The following PRSS55 variants were observed in gnomAD, a reference collection of about 807,000 sequenced individuals.
PRSS55 encodes serine protease 55.
A neutral mutation model predicts 23.6 loss-of-function variants in PRSS55; 41 were observed. That is an observed-to-expected ratio of 1.74 (90% CI 1.35 to 2.26). PRSS55 has a LOEUF of 2.26. Ranked by LOEUF, PRSS55 falls within the 30% of genes most tolerant of loss-of-function variation. The pLI, the probability that PRSS55 is intolerant of heterozygous loss-of-function variation, is 0.00. For synonymous variants in PRSS55, 262 were observed against 175.5 expected, an observed-to-expected ratio of 1.49 and a Z score of -3.90; for missense variants, 669 against 439.1, an observed-to-expected ratio of 1.52 and a Z score of -4.68.
chr8:10,544,214 C>T (rs1240493872), intron 4 of PRSS55, among the ~76,000 whole-genome samples: 4 of 152,100 alleles, frequency 2.6e-5, no homozygotes, highest in African/African-American at 7.2e-5. Flanking sequence ...GTTAGATGCA[C>T]GTATGTTTAC....
chr8:10,545,228 C>T (rs1379566740), intron 4 of PRSS55: 2 of 148,404 alleles, frequency 1.3e-5, no homozygotes, highest in Non-Finnish European at 1.5e-5. Flanking sequence ...GAGAGTGTCT[C>T]ACTCTATCAC....
chr8:10,528,709 T>C (rs1486929280), intron 1 of PRSS55, among the ~76,000 whole-genome samples: 1 of 152,208 alleles, frequency 6.6e-6, no homozygotes, highest in Admixed American at 6.5e-5. Context: ...ACCACACACC[T>C]GGCGGCTTAA....
At chr8:10,554,134 T>C in exon 5 of PRSS55, 1 of 674,732 alleles carries the variant, frequency 1.5e-6, no homozygotes, top group African/African-American at 1.8e-5. Flanking sequence ...TCTGTCCAAA[T>C]GACTGAAAAA....
chr8:10,535,399 C>T (rs1450567100), intron 4 of PRSS55, among the ~76,000 whole-genome samples: 1 of 152,032 alleles, frequency 6.6e-6, no homozygotes, highest in Non-Finnish European at 1.5e-5. Flanking sequence ...GTTAGAGAAC[C>T]CAGAAATAAA....
chr8:10,532,861 C>T (rs776794624), intron 3 of PRSS55, 45 bp from the exon 4 acceptor site: 3 of 1,611,712 alleles, frequency 1.9e-6, no homozygotes, highest in Admixed American at 3.3e-5. Flanking sequence ...AACGTGGGGA[C>T]ATGAGGCCCA....
chr8:10,534,017 A>C (rs1451999699), intron 4 of PRSS55, among the ~76,000 whole-genome samples: 1 of 152,214 alleles, frequency 6.6e-6, no homozygotes, highest in East Asian at 1.9e-4. Context: ...CCCTGGCAGC[A>C]TAGCACTAGG....
chr8:10,526,505 G>T (rs1048970817), intron 1 of PRSS55, among the ~76,000 whole-genome samples: 60 of 152,240 alleles, frequency 3.9e-4, no homozygotes, highest in African/African-American at 1.4e-3. Context: ...AACAAGGGGT[G>T]GGAGGCATGA....
chr8:10,552,711 C>A (rs1812978678), intron 4 of PRSS55, among the ~76,000 whole-genome samples: 2 of 152,198 alleles, frequency 1.3e-5, no homozygotes, highest in Admixed American at 6.5e-5. Flanking sequence ...ATTAATACCA[C>A]AAAGACACAT....
chr8:10,553,967 A>C, exon 5 of PRSS55: 1 of 1,526,494 alleles, frequency 6.6e-7, no homozygotes, highest in Non-Finnish European at 8.7e-7. Flanking sequence ...CACTTTACAA[A>C]GAATGAACAC....
chr8:10,546,396 C>A (rs1351938371), intron 4 of PRSS55, among the ~76,000 whole-genome samples: 1 of 152,166 alleles, frequency 6.6e-6, no homozygotes, highest in African/African-American at 2.4e-5. Flanking sequence ...TTCCCTATCT[C>A]ACCCCTAAAT....
chr8:10,530,287 CA>C (rs746379594), intron 2 of PRSS55, among the ~76,000 whole-genome samples: 17 of 152,080 alleles, frequency 1.1e-4, no homozygotes, highest in Non-Finnish European at 2.5e-4. Context: ...CTGGCCTGGC[CA>C]ATATGGTGAA....
chr8:10,532,840 G>A, intron 3 of PRSS55, 66 bp from the exon 4 acceptor site: 1 of 1,600,076 alleles, frequency 6.2e-7, no homozygotes, highest in Non-Finnish European at 8.5e-7. Context: ...GGCACAGTCA[G>A]CTGCATCACG....
Position 10,538,554 on chromosome 8 carries a change from AAG to A in PRSS55, c.823_824del (p.Ser275LeufsTer82). The A allele has an allele frequency of 6.2e-7, 1 of 1,614,124 alleles. No individual in the cohort carries two copies. The highest frequency in any genetic ancestry group is 8.5e-7 in the Non-Finnish European group (1 of 1,179,982). ...WYQVGIISWGKSCGEKNTPGI... is the reference protein window; with the variant it reads ...WYQVGIISWGXSCGEKNTPGI... Reference sequence around the variant, plus strand: ...CCAGGTGGGCATCATAAGCTGGGGAAAGAGCTGTGGAGAGAAGAACACCCCAG... The same window carrying A: ...CCAGGTGGGCATCATAAGCTGGGGAAAGCTGTGGAGAGAAGAACACCCCAG... On this transcript the variant is annotated frameshift_variant, in exon 5 of 5. Coordinates refer to ENST00000328655, the MANE Select transcript of PRSS55 (RefSeq NM_198464.4). LOFTEE classifies it low-confidence loss of function (END_TRUNC).
Position 10,538,559 on chromosome 8 carries a change from C to T in PRSS55, c.825C>T (p.Ser275=). Residue 275 remains serine, a synonymous_variant, in exon 5 of 5, where the codon AGC becomes AGT. Transcript: ENST00000328655. ...TGGGCATCATAAGCTGGGGAAAGAG[C>T]TGTGGAGAGAAGAACACCCCAGGGA... ...YQVGIISWGK[S]CGEKNTPGIY... is the part of the protein sequence containing the mutation. 1.2e-6 allele frequency: 2 copies of T among 1,614,134 alleles called. No homozygotes were observed. The highest frequency in any genetic ancestry group is 8.5e-7 in the Non-Finnish European group (1 of 1,179,994).
chr8:10,549,084 T>A (rs1212984663), intron 4 of PRSS55, among the ~76,000 whole-genome samples: 1 of 152,198 alleles, frequency 6.6e-6, no homozygotes, highest in Admixed American at 6.5e-5. Flanking sequence ...GAGCATTTAC[T>A]ACCTGACCCT....
chr8:10,528,318 C>A (rs568039054), intron 1 of PRSS55, among the ~76,000 whole-genome samples: 1 of 152,078 alleles, frequency 6.6e-6, no homozygotes, highest in Non-Finnish European at 1.5e-5. Context: ...AAAATGACCA[C>A]CACAGGGTCA....
intron 4 of PRSS55, among the ~76,000 whole-genome samples, chr8:10,547,934 T>G (rs1009497777): frequency 6.6e-6 from 1 of 151,248 alleles, no homozygotes; most frequent in African/African-American, 2.4e-5. Context: ...TGAACATGAC[T>G]GGTGGAGAGG....
intron 4 of PRSS55, among the ~76,000 whole-genome samples, chr8:10,550,076 G>T (rs148602464): frequency 6.6e-6 from 1 of 152,096 alleles, no homozygotes; most frequent in African/African-American, 2.4e-5. Flanking sequence ...GCGCCACCAT[G>T]CCCTGCTAAT....
chr8:10,533,951 G>A (rs7834054), intron 4 of PRSS55, among the ~76,000 whole-genome samples: 1 of 152,156 alleles, frequency 6.6e-6, no homozygotes, highest in African/African-American at 2.4e-5. Flanking sequence ...TGAAACAGGG[G>A]TTGGAGGCAG....
Sources: allele counts gnomAD v4.1 joint callset (sites outside exome capture counted in the v4.1 genomes callset), GRCh38; gene constraint gnomAD v4.1.1; transcripts MANE v1.5; gene names NCBI Gene and HGNC (gene_info 2026-07-23, HGNC 2026-07-21).